PAX5: variants seen among roughly 807,000 people sequenced by gnomAD.
The protein encoded by PAX5 is paired box 5, also known as paired box protein Pax-5.
Under a neutral mutation model 43.7 loss-of-function variants are expected in PAX5, and 9 were observed. That is an observed-to-expected ratio of 0.21 (90% CI 0.12 to 0.36). The LOEUF is 0.36. Ranked by LOEUF, PAX5 falls within the 10% of genes least tolerant of loss-of-function variation. PAX5 has a pLI of 1.00. For synonymous variants in PAX5, 228 were observed against 214.3 expected (o/e 1.06, Z -0.56); for missense variants, 383 against 532.7 (o/e 0.72, Z 2.77).
chr9:36,881,431 C>T (rs1388529404), intron 8 of PAX5, among the ~76,000 whole-genome samples: 2 of 152,136 alleles, frequency 1.3e-5, no homozygotes, highest in Non-Finnish European at 2.9e-5. Context: ...TGTAAGGAGA[C>T]ATGGCAGCCT....
intron 7 of PAX5, among the ~76,000 whole-genome samples, chr9:36,901,180 C>A (rs1449568211): frequency 2.0e-5 from 3 of 152,148 alleles, no homozygotes; most frequent in Admixed American, 1.3e-4. Flanking sequence ...GGGCTCCCAG[C>A]ACCTGCAAGG....
At chr9:36,955,770 CAAA>C (rs67265503) in intron 6 of PAX5, among the ~76,000 whole-genome samples, 8,237 of 136,484 alleles carry the variant, frequency 0.06, 388 homozygotes, top group African/African-American at 0.12. Context: ...CTTTTTGTTT[CAAA>C]AAAAAAAAAA....
intron 4 of PAX5, among the ~76,000 whole-genome samples, chr9:37,003,309 C>T (rs1477532302): frequency 2.6e-5 from 4 of 152,108 alleles, no homozygotes; most frequent in Non-Finnish European, 1.5e-5. Flanking sequence ...AGTGCCCCTT[C>T]TTTTTATAGT....
chr9:36,957,120 C>T (rs1056488031), intron 6 of PAX5, among the ~76,000 whole-genome samples: 1 of 152,212 alleles, frequency 6.6e-6, no homozygotes, highest in Non-Finnish European at 1.5e-5. Flanking sequence ...CGCTGGTGGG[C>T]GGCATCGCTG....
chr9:36,890,024 C>T (rs1827244169), intron 7 of PAX5, among the ~76,000 whole-genome samples: 1 of 151,610 alleles, frequency 6.6e-6, no homozygotes, highest in South Asian at 2.1e-4. Flanking sequence ...GCTCGGTTCT[C>T]ATCGTGTGGC....
intron 6 of PAX5, among the ~76,000 whole-genome samples, chr9:36,962,535 C>T (rs950390848): frequency 6.6e-5 from 10 of 152,146 alleles, no homozygotes; most frequent in African/African-American, 2.4e-4. Flanking sequence ...GTGAACTGAA[C>T]GCTGTGGTGT....
At chr9:37,033,262 G>A (rs563437666) in intron 1 of PAX5, among the ~76,000 whole-genome samples, 19 of 152,280 alleles carry the variant, frequency 1.2e-4, no homozygotes, top group Admixed American at 1.0e-3. Flanking sequence ...TGGACACTGG[G>A]CCTTACAATG....
chr9:36,952,334 A>G (rs1263555335), intron 6 of PAX5, among the ~76,000 whole-genome samples: 1 of 139,866 alleles, frequency 7.1e-6, no homozygotes, highest in Non-Finnish European at 1.5e-5. Flanking sequence ...CCGCCTCCCA[A>G]GTTCAAGTAA....
At chr9:36,860,387 C>T (rs756360687) in intron 8 of PAX5, among the ~76,000 whole-genome samples, 5 of 151,250 alleles carry the variant, frequency 3.3e-5, no homozygotes, top group Non-Finnish European at 7.4e-5. Context: ...ATGACCAGGC[C>T]ATATCTCATA....
intron 6 of PAX5, among the ~76,000 whole-genome samples, chr9:36,955,823 A>G (rs1289915691): frequency 6.6e-6 from 1 of 151,312 alleles, no homozygotes; most frequent in African/African-American, 2.4e-5. Flanking sequence ...ACATATATAT[A>G]TAATGCTTTA....
chr9:36,936,154 T>C (rs565110596), intron 6 of PAX5, among the ~76,000 whole-genome samples: 1 of 152,350 alleles, frequency 6.6e-6, no homozygotes, highest in African/African-American at 2.4e-5. Context: ...AGAAAGGTTA[T>C]CCTGACAAGG....
intron 9 of PAX5, among the ~76,000 whole-genome samples, chr9:36,842,936 T>G (rs1219049965): frequency 6.6e-6 from 1 of 152,200 alleles, no homozygotes; most frequent in Non-Finnish European, 1.5e-5. Context: ...GGAAGGAGGC[T>G]TCAGCCAGGT....
At position 36,986,405 on chromosome 9, in the gene PAX5, C is replaced by T. The variant is rs532065152; in HGVS notation, c.604+16243G>A. Among the ~76,000 whole-genome samples, 926 of 151,060 alleles carry T rather than the reference C, an allele frequency of 6.1e-3. 8 individuals carry two copies. Among genetic ancestry groups the T allele is most frequent in the African/African-American group, 0.021 (886 of 41,406 alleles). On this transcript the variant is annotated intron_variant, in intron 5 of 9. Coordinates refer to ENST00000358127, the MANE Select transcript of PAX5 (RefSeq NM_016734.3). The stretch of plus-strand genomic sequence containing the variant: ...CGCCGGCCGCCGATTAGTTTTATCT[C>T]GGAACGTCAATTGACTTAGACTGAT...
chr9:36,905,455 G>T (rs145681232), intron 7 of PAX5, among the ~76,000 whole-genome samples: 1,778 of 152,326 alleles, frequency 0.012, 9 homozygotes, highest in South Asian at 0.018. Flanking sequence ...GGCAGAGCTG[G>T]GATGAAGACC....
intron 6 of PAX5, among the ~76,000 whole-genome samples, chr9:36,959,668 C>T (rs972280416): frequency 4.6e-5 from 7 of 152,278 alleles, no homozygotes; most frequent in Admixed American, 2.0e-4. Flanking sequence ...TTCATGTGGC[C>T]GTGCTAGCAC....
chr9:36,934,979 T>C (rs933507639), intron 6 of PAX5, among the ~76,000 whole-genome samples: 5 of 152,188 alleles, frequency 3.3e-5, no homozygotes, highest in African/African-American at 1.2e-4. Context: ...ACTGAGAGGA[T>C]AAGTGATGTC....
At chr9:36,855,839 C>T (rs1587769144) in intron 8 of PAX5, among the ~76,000 whole-genome samples, 1 of 152,210 alleles carries the variant, frequency 6.6e-6, no homozygotes, top group African/African-American at 2.4e-5. Flanking sequence ...TCCCAAACAC[C>T]ACCTTCCTTC....
chr9:36,867,498 T>A (rs17391491), intron 8 of PAX5, among the ~76,000 whole-genome samples: 19,266 of 152,150 alleles, frequency 0.13, 1,358 homozygotes, highest in African/African-American at 0.18. Context: ...ACTGCAATTA[T>A]ACATGAAAGG....
intron 5 of PAX5, among the ~76,000 whole-genome samples, chr9:36,979,075 A>G (rs1042228938): frequency 1.3e-5 from 2 of 152,224 alleles, no homozygotes; most frequent in African/African-American, 4.8e-5. Flanking sequence ...TCAATTGATC[A>G]ATCATGTTTC....
Sources: gnomAD v4.1 joint callset for allele counts (sites outside exome capture counted in the v4.1 genomes callset) on GRCh38, gnomAD v4.1.1 for gene constraint, MANE v1.5 for transcripts, NCBI Gene and HGNC (gene_info 2026-07-23, HGNC 2026-07-21) for gene names.